PLXDC2: variants seen among roughly 807,000 people sequenced by gnomAD.
PLXDC2 encodes the protein plexin domain-containing protein 2.
Under a neutral mutation model 68.9 loss-of-function variants are expected in PLXDC2, and 40 were observed. The observed-to-expected ratio is 0.58, with a 90% CI of 0.45 to 0.76. The LOEUF (loss-of-function observed/expected upper bound fraction) is 0.76. Among genes scored for constraint, PLXDC2 ranks in the 30% least tolerant of loss-of-function variants. The pLI is 0.00. For missense variants in PLXDC2, 644 were observed against 661.9 expected (o/e 0.97, Z 0.30); for synonymous variants, 243 against 234.2 (o/e 1.04, Z -0.34).
chr10:20,088,616 T>C (rs1833233094), intron 4 of PLXDC2, among the ~76,000 whole-genome samples: 1 of 152,076 alleles, frequency 6.6e-6, no homozygotes. Flanking sequence ...TTCCACCTCA[T>C]AGGTAGGCAA....
chr10:20,143,213 T>G, intron 4 of PLXDC2, 82 bp from the exon 5 acceptor site: 1 of 1,389,704 alleles, frequency 7.2e-7, no homozygotes, highest in Non-Finnish European at 9.9e-7. Context: ...ATAATATGAC[T>G]GTAATTGAGT....
At chr10:20,148,758 C>T (rs936987575) in intron 6 of PLXDC2, among the ~76,000 whole-genome samples, 2 of 152,050 alleles carry the variant, frequency 1.3e-5, no homozygotes, top group African/African-American at 4.8e-5. Context: ...ATTACAGACT[C>T]GATATCTTAT....
intron 1 of PLXDC2, among the ~76,000 whole-genome samples, chr10:19,822,833 C>A (rs1197724065): frequency 1.3e-5 from 2 of 152,080 alleles, no homozygotes; most frequent in Admixed American, 1.3e-4. Flanking sequence ...CAGTTATTTA[C>A]ATTAAGCCTT....
intron 4 of PLXDC2, among the ~76,000 whole-genome samples, chr10:20,085,514 C>G (rs1486760691): frequency 6.6e-6 from 1 of 152,102 alleles, no homozygotes; most frequent in African/African-American, 2.4e-5. Context: ...ATTTTTGTTG[C>G]TAAGATTGTT....
chr10:20,104,680 T>C (rs1050137720), intron 4 of PLXDC2, among the ~76,000 whole-genome samples: 5 of 151,902 alleles, frequency 3.3e-5, no homozygotes, highest in African/African-American at 1.2e-4. Context: ...ACTATTAACA[T>C]TGTTAAATGG....
At chr10:19,891,632 A>C (rs1250875630) in intron 1 of PLXDC2, among the ~76,000 whole-genome samples, 1 of 152,224 alleles carries the variant, frequency 6.6e-6, no homozygotes, top group African/African-American at 2.4e-5. Context: ...CAAAGAGATT[A>C]GGCCTAATTT....
chr10:20,262,523 T>C (rs993372025), intron 13 of PLXDC2, among the ~76,000 whole-genome samples: 10 of 152,270 alleles, frequency 6.6e-5, no homozygotes, highest in African/African-American at 2.4e-4. Flanking sequence ...TTTGGCACTT[T>C]AGCCATTCCA....
At chr10:20,241,860 A>G (rs1835520311) in intron 12 of PLXDC2, among the ~76,000 whole-genome samples, 1 of 152,244 alleles carries the variant, frequency 6.6e-6, no homozygotes, top group African/African-American at 2.4e-5. Context: ...AGGACTGTTT[A>G]TGATGGCAGA....
Position 20,011,579 on chromosome 10 carries a change from A to G in PLXDC2, c.324+9593A>G, listed in dbSNP as rs183167474. 6.6e-5 allele frequency among the ~76,000 whole-genome samples: 10 copies of G among 152,304 alleles called. No individual in the cohort carries two copies. In the East Asian group the frequency reaches 1.9e-3, roughly 29 times the overall value. On this transcript the variant is annotated intron_variant, in intron 2 of 13. Coordinates refer to ENST00000377252, the MANE Select transcript of PLXDC2 (RefSeq NM_032812.9). ...TTCTCAGCTATCTGTTTTCCTGGCAATAAGGAGAGAGCTTCTGGGATCATT... is the reference window on the plus strand; with the variant it reads ...TTCTCAGCTATCTGTTTTCCTGGCAGTAAGGAGAGAGCTTCTGGGATCATT...
At chr10:20,164,034 G>T (rs527736245) in intron 6 of PLXDC2, among the ~76,000 whole-genome samples, 1 of 152,054 alleles carries the variant, frequency 6.6e-6, no homozygotes, top group African/African-American at 2.4e-5. Context: ...CTATAAGACT[G>T]CTTATAAACA....
At chr10:19,971,649 A>G (rs1350760884) in intron 1 of PLXDC2, among the ~76,000 whole-genome samples, 1 of 152,218 alleles carries the variant, frequency 6.6e-6, no homozygotes, top group African/African-American at 2.4e-5. Flanking sequence ...AATATTTATT[A>G]GGAAACTGTG....
intron 9 of PLXDC2, among the ~76,000 whole-genome samples, chr10:20,206,796 T>C (rs1156759458): frequency 6.6e-6 from 1 of 151,936 alleles, no homozygotes; most frequent in Non-Finnish European, 1.5e-5. Context: ...CCGTTAAAAA[T>C]GTTGGAAAAC....
intron 9 of PLXDC2, among the ~76,000 whole-genome samples, chr10:20,193,703 T>C (rs1282154684): frequency 6.6e-6 from 1 of 152,062 alleles, no homozygotes; most frequent in Non-Finnish European, 1.5e-5. Flanking sequence ...AAACTACAAG[T>C]CTAAGAGTGC....
intron 2 of PLXDC2, among the ~76,000 whole-genome samples, chr10:20,025,815 CT>C (rs1466673099): frequency 4.0e-5 from 6 of 151,856 alleles, no homozygotes; most frequent in South Asian, 2.1e-4. Flanking sequence ...TTGACATAAG[CT>C]TTTTTTCACT....
intron 3 of PLXDC2, among the ~76,000 whole-genome samples, chr10:20,053,404 A>T (rs1282503582): frequency 6.6e-6 from 1 of 152,136 alleles, no homozygotes; most frequent in Non-Finnish European, 1.5e-5. Flanking sequence ...ACCATAGGTA[A>T]GCAACGAGGC....
chr10:19,867,842 T>G (rs1564614063), intron 1 of PLXDC2, among the ~76,000 whole-genome samples: 1 of 152,156 alleles, frequency 6.6e-6, no homozygotes, highest in Non-Finnish European at 1.5e-5. Flanking sequence ...ATAGTGTGTA[T>G]GTATAAATGT....
intron 1 of PLXDC2, among the ~76,000 whole-genome samples, chr10:19,977,771 CT>C (rs983725462): frequency 1.3e-5 from 2 of 151,882 alleles, no homozygotes; most frequent in Non-Finnish European, 2.9e-5. Flanking sequence ...ATGTGTCTTT[CT>C]TTTTTTTATA....
chr10:20,176,560 C>T (rs1834529493), intron 7 of PLXDC2, among the ~76,000 whole-genome samples: 1 of 152,110 alleles, frequency 6.6e-6, no homozygotes, highest in African/African-American at 2.4e-5. Context: ...ACTTTTAAAG[C>T]AATCACATTG....
At chr10:20,185,582 A>G (rs1162307291) in intron 9 of PLXDC2, among the ~76,000 whole-genome samples, 1 of 152,042 alleles carries the variant, frequency 6.6e-6, no homozygotes, top group East Asian at 1.9e-4. Flanking sequence ...GTAAATTAAA[A>G]TAAATCACTA....
Sources: allele counts gnomAD v4.1 joint callset (sites outside exome capture counted in the v4.1 genomes callset), GRCh38; gene constraint gnomAD v4.1.1; transcripts MANE v1.5; gene names NCBI Gene and HGNC (gene_info 2026-07-23, HGNC 2026-07-21).